Variants in CBLB observed in about 807,000 individuals in gnomAD.
The protein encoded by CBLB is Cbl proto-oncogene B.
A neutral mutation model predicts 104.9 loss-of-function variants in CBLB; 31 were observed. The observed-to-expected ratio is 0.30, with a 90% CI of 0.22 to 0.40. CBLB has a LOEUF of 0.40. Among genes scored for constraint, CBLB ranks in the 10% least tolerant of loss-of-function variants. The pLI, the probability that CBLB is intolerant of heterozygous loss-of-function variation, is 1.00. For missense variants in CBLB, 1,062 were observed against 1,214.6 expected, an observed-to-expected ratio of 0.87 and a Z score of 1.87; for synonymous variants, 440 against 422.6, an observed-to-expected ratio of 1.04 and a Z score of -0.51.
chr3:105,860,799 C>T (rs2092020419), intron 2 of CBLB, among the ~76,000 whole-genome samples: 1 of 152,086 alleles, frequency 6.6e-6, no homozygotes, highest in Non-Finnish European at 1.5e-5. Context: ...ACTCATGCTG[C>T]CTAAAACCCT....
rs537647935 is a variant in CBLB at position 105,782,139 on chromosome 3, G to A, written c.420-5597C>T. On this transcript the variant is annotated intron_variant, in intron 3 of 18. Transcript: ENST00000394030. ...TCTCATGGGAATAGATACTACTATTGAGATGGGTCCTGACAGTCTTAAATA... is the reference window on the plus strand; with the variant it reads ...TCTCATGGGAATAGATACTACTATTAAGATGGGTCCTGACAGTCTTAAATA... Among the ~76,000 whole-genome samples the A allele has an allele frequency of 4.6e-5, 7 of 152,204 alleles. No individual in the cohort carries two copies. In the East Asian group the frequency reaches 1.2e-3, roughly 25 times the overall value.
chr3:105,844,511 C>A (rs1281635344), intron 3 of CBLB, among the ~76,000 whole-genome samples: 2 of 152,162 alleles, frequency 1.3e-5, no homozygotes, highest in African/African-American at 4.8e-5. Context: ...TTATTTTAAT[C>A]TATAAAGGGC....
intron 9 of CBLB, among the ~76,000 whole-genome samples, chr3:105,731,369 C>T (rs2074293789): frequency 6.6e-6 from 1 of 152,054 alleles, no homozygotes; most frequent in African/African-American, 2.4e-5. Context: ...TCCATTTTAC[C>T]CTAGGCTAAT....
chr3:105,723,618 A>AT (rs1416431850), intron 9 of CBLB, among the ~76,000 whole-genome samples: 1 of 152,090 alleles, frequency 6.6e-6, no homozygotes, highest in East Asian at 1.9e-4. Flanking sequence ...ATAGAAAAAA[A>AT]TTTTAAACCT....
intron 3 of CBLB, among the ~76,000 whole-genome samples, chr3:105,839,876 G>C (rs963027489): frequency 2.0e-5 from 3 of 152,176 alleles, no homozygotes. Context: ...ATTGTAATGA[G>C]AACAAACTAA....
At chr3:105,869,271 C>T, upstream of CBLB, 1 of 871,788 alleles carries the variant, frequency 1.1e-6, no homozygotes, top group Non-Finnish European at 1.7e-6. Flanking sequence ...CCTGGACTCT[C>T]CCGGGAACGA....
intron 2 of CBLB, among the ~76,000 whole-genome samples, chr3:105,862,379 G>A (rs1428392969): frequency 1.3e-5 from 2 of 151,952 alleles, no homozygotes; most frequent in African/African-American, 2.4e-5. Flanking sequence ...CACTGCCTTC[G>A]GAGTCAACTA....
chr3:105,737,636 T>G (rs891233504), intron 7 of CBLB, among the ~76,000 whole-genome samples: 2 of 152,190 alleles, frequency 1.3e-5, no homozygotes, highest in Non-Finnish European at 2.9e-5. Flanking sequence ...GCACAGGTAA[T>G]AATGGTATCA....
chr3:105,685,211 T>C, intron 14 of CBLB, 109 bp downstream of exon 14: 1 of 970,792 alleles, frequency 1.0e-6, no homozygotes, highest in Non-Finnish European at 1.7e-6. Flanking sequence ...GGATTTGAGC[T>C]GGAAATTAAG....
At chr3:105,794,101 G>A (rs930775448) in intron 3 of CBLB, among the ~76,000 whole-genome samples, 11 of 152,188 alleles carry the variant, frequency 7.2e-5, no homozygotes, top group African/African-American at 2.6e-4. Context: ...GAACTCAACT[G>A]AAAATGTAAC....
At chr3:105,694,000 T>C (rs1208388192) in intron 12 of CBLB, among the ~76,000 whole-genome samples, 1 of 152,032 alleles carries the variant, frequency 6.6e-6, no homozygotes. Context: ...TAAAGTGCTC[T>C]AAATTATATT....
Position 105,868,966 on chromosome 3 carries a change from G to C in CBLB, c.-245C>G, listed in dbSNP as rs1432578082. 7 of 1,020,272 alleles carry C rather than the reference G, an allele frequency of 6.9e-6. No homozygotes were observed. The highest frequency in any genetic ancestry group is 8.2e-6 in the Non-Finnish European group (7 of 852,478). The allele number at this position is 1,020,272 out of a possible 1,614,324, so 63.2% of individuals were successfully genotyped here. On this transcript the variant is annotated 5_prime_UTR_variant, in exon 1 of 19. Transcript: ENST00000394030. The stretch of plus-strand genomic sequence containing the variant: ...CTCCCGCCCGACTCGGGGAGGCCGC[G>C]GGACGCCGCAGCAGCACTAGCAGGA...
At chr3:105,659,555 G>C (rs1164787807) in intron 18 of CBLB, among the ~76,000 whole-genome samples, 2 of 152,132 alleles carry the variant, frequency 1.3e-5, no homozygotes, top group African/African-American at 4.8e-5. Flanking sequence ...TCTAAAAAGG[G>C]AAGCCTTTCA....
At chr3:105,788,820 A>C (rs1682411915) in intron 3 of CBLB, among the ~76,000 whole-genome samples, 1 of 151,950 alleles carries the variant, frequency 6.6e-6, no homozygotes, top group Non-Finnish European at 1.5e-5. Flanking sequence ...AAATGACGCT[A>C]CATAAATTTT....
chr3:105,786,651 A>T (rs1020950614), intron 3 of CBLB, among the ~76,000 whole-genome samples: 1 of 152,214 alleles, frequency 6.6e-6, no homozygotes. Context: ...AAACCAGACA[A>T]CAGAAAGCTC....
chr3:105,681,964 T>C (rs1194024786), intron 14 of CBLB, 146 bp from the exon 15 acceptor site: 1 of 621,694 alleles, frequency 1.6e-6, no homozygotes, highest in African/African-American at 1.8e-5. Context: ...AGTAATAACA[T>C]CAAGATACTC....
chr3:105,674,194 A>G (rs544525665), intron 17 of CBLB, among the ~76,000 whole-genome samples: 4 of 152,338 alleles, frequency 2.6e-5, no homozygotes, highest in African/African-American at 9.6e-5. Context: ...ACAAAGGCTG[A>G]GTACTGTGGA....
At chr3:105,837,016 C>T (rs1393241363) in intron 3 of CBLB, among the ~76,000 whole-genome samples, 5 of 151,432 alleles carry the variant, frequency 3.3e-5, no homozygotes, top group Admixed American at 6.6e-5. Context: ...TCCAACCCTC[C>T]GACCTTTACT....
intron 9 of CBLB, among the ~76,000 whole-genome samples, chr3:105,731,780 G>A (rs9862133): frequency 1 from 152,337 of 152,342 alleles, 76,166 homozygotes; most frequent in Non-Finnish European, 1. Context: ...ATGATGCTTT[G>A]AACAAAACAT....
Sources: gnomAD v4.1 joint callset for allele counts (sites outside exome capture counted in the v4.1 genomes callset) on GRCh38, gnomAD v4.1.1 for gene constraint, MANE v1.5 for transcripts, NCBI Gene and HGNC (gene_info 2026-07-23, HGNC 2026-07-21) for gene names.